VPS50: variants seen among roughly 807,000 people sequenced by gnomAD.
VPS50 encodes syndetin.
In VPS50, 70 loss-of-function variants were observed where a neutral mutation model predicts 139.7. The ratio of observed to expected loss-of-function variants is 0.50; its 90% CI spans 0.41 to 0.61. The LOEUF (loss-of-function observed/expected upper bound fraction) is 0.61. Ranked by LOEUF, VPS50 falls within the 20% of genes least tolerant of loss-of-function variation. The pLI is 0.00. For missense variants in VPS50, 921 were observed against 1,133.7 expected, an observed-to-expected ratio of 0.81 and a Z score of 2.69; for synonymous variants, 365 against 376.7, an observed-to-expected ratio of 0.97 and a Z score of 0.36.
intron 12 of VPS50, chr7:93,276,531 C>T (rs1212696879): frequency 5.4e-6 from 3 of 552,736 alleles, no homozygotes; most frequent in Non-Finnish European, 5.6e-6. Context: ...GCTTCTCAAT[C>T]GACTCTTTAC....
Position 93,323,711 on chromosome 7 carries a change from CT to C in VPS50, c.1962del (p.Phe654LeufsTer19), listed in dbSNP as rs771091392. On this transcript the variant is annotated frameshift_variant, in exon 21 of 28. Coordinates refer to ENST00000305866, the MANE Select transcript of VPS50 (RefSeq NM_017667.4). LOFTEE classifies it high-confidence loss of function. ...ATTATTACTTGTATGCAATATATAC[CT>C]TTTTTGGTCGGAATGATTCAGTAAG... is the stretch of plus-strand genomic sequence containing the variant. The part of the protein sequence containing the change: ...FDYYLYAIYT[F>X]FGRNDSLEST... 2.9e-5 allele frequency: 41 copies of C among 1,424,502 alleles called. No individual in the cohort carries two copies. Among genetic ancestry groups the C allele is most frequent in the Middle Eastern group, 1.8e-4 (1 of 5,488 alleles). 88.2% of individuals were successfully genotyped at this position (1,424,502 alleles called of 1,614,324 possible). A position where few individuals can be genotyped will look rare whatever the true frequency, so the allele number is the denominator to read the frequency against.
At position 93,360,501 on chromosome 7, in the gene VPS50, A is replaced by AATC. The variant is rs1798808993; in HGVS notation, c.*2067_*2069dup. 6.6e-6 allele frequency: 1 copy of AATC among 150,740 alleles called. No individual in the cohort carries two copies. Among genetic ancestry groups the AATC allele is most frequent in the African/African-American group, 2.4e-5 (1 of 40,838 alleles). The allele number at this position is 150,740 out of a possible 1,614,324, so 9.3% of individuals were successfully genotyped here. Reference sequence around the variant, plus strand: ...GGAGGTTTGAGTCATGAAGTTACCTAATCACAAGAGAGTTACCAGACATTT... The same window carrying AATC: ...GGAGGTTTGAGTCATGAAGTTACCTAATCATCACAAGAGAGTTACCAGACATTT... On this transcript the variant is annotated 3_prime_UTR_variant, in exon 28 of 28. Transcript: ENST00000305866.
intron 12 of VPS50, among the ~76,000 whole-genome samples, chr7:93,283,145 G>A (rs969102640): frequency 4.0e-5 from 6 of 151,866 alleles, no homozygotes; most frequent in Non-Finnish European, 8.8e-5. Flanking sequence ...GCTGGTAGAA[G>A]ACACAGACTT....
chr7:93,267,318 C>T (rs768888945), intron 9 of VPS50, among the ~76,000 whole-genome samples: 1 of 152,164 alleles, frequency 6.6e-6, no homozygotes, highest in South Asian at 2.1e-4. Flanking sequence ...AACTCTTACT[C>T]ATCTCTCTTT....
chr7:93,279,293 T>A (rs1796254666), intron 12 of VPS50, among the ~76,000 whole-genome samples: 1 of 152,170 alleles, frequency 6.6e-6, no homozygotes, highest in Non-Finnish European at 1.5e-5. Context: ...TTGGAAGAAA[T>A]TCTTTCTTTC....
intron 2 of VPS50, among the ~76,000 whole-genome samples, chr7:93,240,267 TCTC>T (rs1554357058): frequency 0.011 from 1,475 of 139,392 alleles, 27 homozygotes; most frequent in African/African-American, 0.038. Flanking sequence ...TCTCTCTCTC[TCTC>T]ATTGATTTAT....
intron 25 of VPS50, among the ~76,000 whole-genome samples, chr7:93,352,443 A>G (rs1007042259): frequency 2.0e-5 from 3 of 152,236 alleles, no homozygotes; most frequent in African/African-American, 7.2e-5. Flanking sequence ...GGAAGTAGCA[A>G]AAGAGCAGAG....
At chr7:93,345,030 G>T (rs931877396) in intron 23 of VPS50, among the ~76,000 whole-genome samples, 4 of 152,078 alleles carry the variant, frequency 2.6e-5, no homozygotes, top group Admixed American at 6.6e-5. Context: ...CAAAATTAAC[G>T]AATCCAGGAG....
At chr7:93,305,738 A>G (rs193156948) in intron 17 of VPS50, 90 bp from the exon 18 acceptor site, 593 of 882,008 alleles carry the variant, frequency 6.7e-4, no homozygotes, top group Admixed American at 1.6e-3. Flanking sequence ...TTGTTTTTCT[A>G]CTAACTCTAC....
At chr7:93,245,810 C>T (rs895140681) in intron 2 of VPS50, among the ~76,000 whole-genome samples, 17 of 151,740 alleles carry the variant, frequency 1.1e-4, no homozygotes, top group Non-Finnish European at 7.4e-5. Context: ...CTATCTTTGA[C>T]GGATTATTAT....
At chr7:93,343,003 GAGA>G (rs1481724161) in intron 23 of VPS50, among the ~76,000 whole-genome samples, 3 of 152,334 alleles carry the variant, frequency 2.0e-5, no homozygotes, top group African/African-American at 7.2e-5. Flanking sequence ...GACGAGCTGA[GAGA>G]AGAAGGCTTC....
At chr7:93,250,108 A>G (rs1247234670) in intron 2 of VPS50, among the ~76,000 whole-genome samples, 1 of 151,922 alleles carries the variant, frequency 6.6e-6, no homozygotes, top group Non-Finnish European at 1.5e-5. Flanking sequence ...GAGTTAGCAC[A>G]GAAGAGGGAT....
intron 23 of VPS50, among the ~76,000 whole-genome samples, chr7:93,343,026 A>T (rs1798271146): frequency 6.6e-6 from 1 of 152,218 alleles, no homozygotes; most frequent in Non-Finnish European, 1.5e-5. Flanking sequence ...CAGATGATCA[A>T]ATTACTCCGA....
chr7:93,353,696 C>G lies in VPS50; in HGVS notation c.2520C>G (p.Pro840=). Residue 840 remains proline, a synonymous_variant, in exon 26 of 28, where the codon CCC becomes CCG. Transcript: ENST00000305866. ...LNEVSKRVRI[P]LPVSNILWEH... is the part of the protein sequence containing the mutation. ...AAGTTTCTAAGAGAGTTCGCATACCCTTGCCTGTGTCTAATATACTTTGGG... is the reference window on the plus strand; with the variant it reads ...AAGTTTCTAAGAGAGTTCGCATACCGTTGCCTGTGTCTAATATACTTTGGG... The G allele has an allele frequency of 6.2e-7, 1 of 1,612,400 alleles. No homozygotes were observed. Among genetic ancestry groups the G allele is most frequent in the Non-Finnish European group, 8.5e-7 (1 of 1,178,666 alleles).
rs897377063 is a variant in VPS50 at position 93,361,063 on chromosome 7, C to T, written c.*2627C>T. 1.3e-5 allele frequency: 2 copies of T among 151,568 alleles called. No individual in the cohort carries two copies. The highest frequency in any genetic ancestry group is 4.8e-5 in the African/African-American group (2 of 41,280). The allele number at this position is 151,568 out of a possible 1,614,324, so 9.4% of individuals were successfully genotyped here. A position where few individuals can be genotyped will look rare whatever the true frequency, so the allele number is the denominator to read the frequency against. ...TAACTCACCAAAAAGTAGTAAAAGG[C>T]TTGTAATTCAATTCACCTTGTAAGC... is the stretch of plus-strand genomic sequence containing the variant. On this transcript the variant is annotated 3_prime_UTR_variant, in exon 28 of 28. Coordinates refer to ENST00000305866, the MANE Select transcript of VPS50 (RefSeq NM_017667.4).
At chr7:93,324,809 G>A (rs1354596241) in intron 21 of VPS50, among the ~76,000 whole-genome samples, 1 of 152,124 alleles carries the variant, frequency 6.6e-6, no homozygotes, top group Non-Finnish European at 1.5e-5. Context: ...CAAAGAAATG[G>A]AAAAACATTC....
intron 2 of VPS50, among the ~76,000 whole-genome samples, chr7:93,240,701 T>C (rs896438276): frequency 3.9e-5 from 6 of 152,164 alleles, no homozygotes; most frequent in African/African-American, 1.4e-4. Flanking sequence ...AAATACTGTT[T>C]GTTTTCTGCA....
At chr7:93,302,536 A>G (rs1797007545) in intron 16 of VPS50, among the ~76,000 whole-genome samples, 1 of 151,808 alleles carries the variant, frequency 6.6e-6, no homozygotes, top group African/African-American at 2.4e-5. Context: ...TATTGCAGTT[A>G]TTTGAAATTC....
intron 26 of VPS50, among the ~76,000 whole-genome samples, chr7:93,355,574 C>T (rs1798683573): frequency 6.6e-6 from 1 of 152,144 alleles, no homozygotes; most frequent in Admixed American, 6.5e-5. Flanking sequence ...GCCAGATTAA[C>T]TGGAATACCA....
Sources: allele counts gnomAD v4.1 joint callset (sites outside exome capture counted in the v4.1 genomes callset), GRCh38; gene constraint gnomAD v4.1.1; transcripts MANE v1.5; gene names NCBI Gene and HGNC (gene_info 2026-07-23, HGNC 2026-07-21).